DCC: variants seen among roughly 807,000 people sequenced by gnomAD.
DCC encodes the protein DCC netrin 1 receptor.
Under a neutral mutation model 172.5 loss-of-function variants are expected in DCC, and 58 were observed. That is an observed-to-expected ratio of 0.34 (90% confidence interval 0.27 to 0.42). DCC has a LOEUF of 0.42. Ranked by LOEUF, DCC falls within the 10% of genes least tolerant of loss-of-function variation. DCC has a pLI of 1.00. For missense variants in DCC, 1,740 were observed against 1,791.0 expected (o/e 0.97, Z 0.51); for synonymous variants, 709 against 644.5 (o/e 1.10, Z -1.52).
intron 12 of DCC, among the ~76,000 whole-genome samples, chr18:53,281,866 G>A (rs1040452835): frequency 6.7e-6 from 1 of 149,954 alleles, no homozygotes; most frequent in Non-Finnish European, 1.5e-5. Context: ...ATATACATCC[G>A]ATTATTACAC....
chr18:53,381,076 A>C (rs1224972001), intron 15 of DCC, among the ~76,000 whole-genome samples: 1 of 68,202 alleles, frequency 1.5e-5, no homozygotes, highest in Non-Finnish European at 4.0e-5. Flanking sequence ...CAATATTAGC[A>C]AGAGTCTGTT....
intron 15 of DCC, among the ~76,000 whole-genome samples, chr18:53,358,761 C>G (rs138470140): frequency 4.8e-4 from 73 of 152,168 alleles, no homozygotes; most frequent in African/African-American, 1.7e-3. Flanking sequence ...ACCTCGTGAT[C>G]TGCCCACCTC....
chr18:52,443,005 A>AT (rs112940815), intron 1 of DCC, among the ~76,000 whole-genome samples: 3,000 of 145,432 alleles, frequency 0.021, 81 homozygotes, highest in Admixed American at 0.074. Context: ...CTTTCTTTCT[A>AT]TTTTTTTTTT....
At chr18:52,550,853 C>T (rs1265493575) in intron 1 of DCC, among the ~76,000 whole-genome samples, 2 of 151,610 alleles carry the variant, frequency 1.3e-5, no homozygotes, top group East Asian at 3.9e-4. Flanking sequence ...TGTATGGGAA[C>T]TCTGTACGAT....
intron 1 of DCC, among the ~76,000 whole-genome samples, chr18:52,483,366 C>T (rs918511984): frequency 5.3e-5 from 8 of 152,038 alleles, no homozygotes; most frequent in Non-Finnish European, 1.2e-4. Flanking sequence ...GTTTATTATA[C>T]TTCAGAGAAA....
chr18:53,041,705 A>G (rs1395636161), intron 5 of DCC, among the ~76,000 whole-genome samples: 1 of 152,044 alleles, frequency 6.6e-6, no homozygotes, highest in Non-Finnish European at 1.5e-5. Flanking sequence ...AGTGGTTGGT[A>G]GTTCTCCTTG....
In DCC at chr18:52,564,901, A is replaced by C. The variant is rs570458772; in HGVS notation, c.92-187153A>C. Among the ~76,000 whole-genome samples the C allele has an allele frequency of 4.6e-5, 7 of 152,224 alleles. No individual in the cohort carries two copies. In the South Asian group the frequency reaches 1.5e-3, roughly 32 times the overall value. On this transcript the variant is annotated intron_variant, in intron 1 of 28. Coordinates refer to ENST00000442544, the MANE Select transcript of DCC (RefSeq NM_005215.4). Reference sequence around the variant, plus strand: ...CGGCCTTACATCAAAATGGGTACCTAGAGTGTGTTGCTGGAGAGTAATACT... The same window carrying C: ...CGGCCTTACATCAAAATGGGTACCTCGAGTGTGTTGCTGGAGAGTAATACT...
chr18:52,964,855 G>A (rs2040903445), intron 5 of DCC, among the ~76,000 whole-genome samples: 1 of 152,098 alleles, frequency 6.6e-6, no homozygotes. Flanking sequence ...GGTGCTCTAG[G>A]GGAAAATCCA....
At chr18:52,899,067 C>A (rs551108549) in intron 2 of DCC, among the ~76,000 whole-genome samples, 1 of 152,320 alleles carries the variant, frequency 6.6e-6, no homozygotes, top group African/African-American at 2.4e-5. Context: ...ACCAACCCAT[C>A]TCTTCAAATG....
At chr18:53,212,957 C>T (rs911414961) in intron 11 of DCC, among the ~76,000 whole-genome samples, 1 of 152,096 alleles carries the variant, frequency 6.6e-6, no homozygotes, top group Non-Finnish European at 1.5e-5. Flanking sequence ...CAGGTGTGAG[C>T]CACCATGCCC....
At position 52,919,442 on chromosome 18, in the gene DCC, A is replaced by G. The variant is rs150321316; in HGVS notation, c.698-4265A>G. Among the ~76,000 whole-genome samples the G allele has an allele frequency of 5.3e-3, 808 of 152,340 alleles. 4 individuals carry two copies. Among genetic ancestry groups the G allele is most frequent in the Non-Finnish European group, 8.8e-3 (598 of 68,030 alleles). On this transcript the variant is annotated intron_variant, in intron 3 of 28. Transcript: ENST00000442544. ...TATTTGAACTTATCAAATGATATAA[A>G]GAAATACCAAACTTATTGGGGAAAT... is the stretch of plus-strand genomic sequence containing the variant.
intron 1 of DCC, among the ~76,000 whole-genome samples, chr18:52,378,302 T>C (rs1985436978): frequency 6.8e-6 from 1 of 146,406 alleles, no homozygotes. Context: ...ATAGAGATGA[T>C]CTCTAAAGAA....
intron 2 of DCC, among the ~76,000 whole-genome samples, chr18:52,797,325 TG>T (rs1194364494): frequency 3.3e-5 from 5 of 152,222 alleles, no homozygotes; most frequent in Non-Finnish European, 7.3e-5. Context: ...TTCCTTTTTT[TG>T]TTTCTTGTGT....
At chr18:52,415,309 C>A (rs1008470026) in intron 1 of DCC, among the ~76,000 whole-genome samples, 4 of 152,156 alleles carry the variant, frequency 2.6e-5, no homozygotes, top group African/African-American at 9.7e-5. Context: ...GGCATAGTGC[C>A]TCTGATTTCA....
chr18:53,098,756 A>C (rs886594586), intron 7 of DCC, among the ~76,000 whole-genome samples: 1 of 152,144 alleles, frequency 6.6e-6, no homozygotes, highest in Admixed American at 6.5e-5. Flanking sequence ...CATGTAATCC[A>C]ATCACTTTGG....
At chr18:52,804,046 G>A (rs1180448284) in intron 2 of DCC, among the ~76,000 whole-genome samples, 2 of 152,162 alleles carry the variant, frequency 1.3e-5, no homozygotes, top group African/African-American at 4.8e-5. Flanking sequence ...GGTGCCAGTG[G>A]TGGCATGTAG....
chr18:52,823,162 C>G (rs1219928591), intron 2 of DCC, among the ~76,000 whole-genome samples: 1 of 152,122 alleles, frequency 6.6e-6, no homozygotes, highest in Admixed American at 6.5e-5. Flanking sequence ...TTACAGTCAA[C>G]ATTTATTGAA....
intron 7 of DCC, among the ~76,000 whole-genome samples, chr18:53,115,519 G>A (rs938202979): frequency 2.0e-5 from 3 of 151,394 alleles, no homozygotes; most frequent in African/African-American, 7.3e-5. Flanking sequence ...TTTCAAAACT[G>A]GACCATCCAA....
chr18:52,792,336 TAGAG>T (rs769402125), intron 2 of DCC, among the ~76,000 whole-genome samples: 1 of 152,116 alleles, frequency 6.6e-6, no homozygotes, highest in Admixed American at 6.5e-5. Context: ...ATTGCATACA[TAGAG>T]AGATTAAGAG....
Sources: allele counts gnomAD v4.1 joint callset (sites outside exome capture counted in the v4.1 genomes callset), GRCh38; gene constraint gnomAD v4.1.1; transcripts MANE v1.5; gene names NCBI Gene and HGNC (gene_info 2026-07-23, HGNC 2026-07-21).